RORA: variants seen among roughly 807,000 people sequenced by gnomAD.
RORA encodes the protein nuclear receptor ROR-alpha.
RORA carries 7 observed loss-of-function variants against 69.5 expected under a neutral mutation model. The ratio of observed to expected loss-of-function variants is 0.10; its 90% CI spans 0.06 to 0.19. RORA has a LOEUF of 0.19. Among genes scored for constraint, RORA ranks in the 10% least tolerant of loss-of-function variants. RORA has a pLI of 1.00. For missense variants in RORA, 457 were observed against 663.0 expected (o/e 0.69, Z 3.41); for synonymous variants, 261 against 240.8 (o/e 1.08, Z -0.78).
At chr15:60,671,439 T>G (rs1034271222) in intron 2 of RORA, among the ~76,000 whole-genome samples, 14 of 152,000 alleles carry the variant, frequency 9.2e-5, no homozygotes, top group African/African-American at 3.4e-4. Flanking sequence ...AGTTCTTTGA[T>G]GAACTAAGTT....
chr15:61,001,695 T>C (rs1894751271), intron 1 of RORA, among the ~76,000 whole-genome samples: 1 of 152,172 alleles, frequency 6.6e-6, no homozygotes, highest in Non-Finnish European at 1.5e-5. Context: ...GTTCACTTTC[T>C]AGTGGGAGGA....
At chr15:60,908,378 C>T (rs935549211) in intron 1 of RORA, among the ~76,000 whole-genome samples, 2 of 152,176 alleles carry the variant, frequency 1.3e-5, no homozygotes, top group African/African-American at 4.8e-5. Flanking sequence ...ATATCCAAGG[C>T]TCCTTTCTCT....
At chr15:60,808,399 A>G (rs911126564) in intron 1 of RORA, among the ~76,000 whole-genome samples, 13 of 152,184 alleles carry the variant, frequency 8.5e-5, no homozygotes, top group African/African-American at 3.1e-4. Flanking sequence ...CATAATAAAA[A>G]AAATTTAAAA....
rs2079365012 is a variant in RORA, at chr15:61,147,912, C to G, written c.166+81141G>C. Among the ~76,000 whole-genome samples the G allele has an allele frequency of 6.6e-6, 1 of 152,084 alleles. No individual in the cohort carries two copies. The highest frequency in any genetic ancestry group is 2.1e-4 in the South Asian group (1 of 4,824). On this transcript the variant is annotated intron_variant, in intron 1 of 10. Coordinates refer to ENST00000335670, the MANE Select transcript of RORA (RefSeq NM_134261.3). The surrounding 1 kb of genome is among the most constrained non-coding windows in gnomAD (Gnocchi z 4.1). ...AGGGCAGGAACAAGGATAGTTCATC[C>G]AGAATTACCTTAAGAAATAGGCATT...
chr15:60,734,039 CAG>C (rs2071466948), intron 1 of RORA, among the ~76,000 whole-genome samples: 1 of 150,776 alleles, frequency 6.6e-6, no homozygotes, highest in African/African-American at 2.4e-5. Context: ...AGGAGAGAGA[CAG>C]AGAGTGAGAT....
intron 3 of RORA, among the ~76,000 whole-genome samples, chr15:60,516,850 T>C (rs2065976908): frequency 1.3e-5 from 2 of 152,194 alleles, no homozygotes; most frequent in African/African-American, 2.4e-5. Flanking sequence ...AAGAGTCATA[T>C]TGTATACTCA....
intron 1 of RORA, among the ~76,000 whole-genome samples, chr15:61,097,969 A>C (rs1027473740): frequency 6.6e-6 from 1 of 152,166 alleles, no homozygotes; most frequent in African/African-American, 2.4e-5. Context: ...CTGGAACCCA[A>C]GTTTTCTGCC....
intron 1 of RORA, among the ~76,000 whole-genome samples, chr15:61,001,268 G>A (rs34016605): frequency 0.15 from 22,573 of 152,166 alleles, 1,893 homozygotes; most frequent in African/African-American, 0.23. Context: ...TCCCTGTGAG[G>A]GCGCAAGAGT....
intron 1 of RORA, among the ~76,000 whole-genome samples, chr15:61,191,258 G>A (rs2079796957): frequency 6.6e-6 from 1 of 151,776 alleles, no homozygotes; most frequent in East Asian, 1.9e-4. Flanking sequence ...GAAGCCTCTG[G>A]TACAACTCTT....
chr15:61,033,662 A>C (rs1170942572), intron 1 of RORA, among the ~76,000 whole-genome samples: 5 of 152,150 alleles, frequency 3.3e-5, no homozygotes, highest in African/African-American at 1.2e-4. Flanking sequence ...GTCGCCACCA[A>C]CCCACATGGC....
intron 2 of RORA, among the ~76,000 whole-genome samples, chr15:60,623,518 G>C (rs1446567425): frequency 1.3e-5 from 2 of 152,194 alleles, no homozygotes; most frequent in Non-Finnish European, 2.9e-5. Flanking sequence ...CCCCATGAAA[G>C]CACCATGAGG....
chr15:60,805,745 C>T lies in RORA; in HGVS notation c.167-127059G>A, dbSNP rs1249102645. On this transcript the variant is annotated intron_variant, in intron 1 of 10. Transcript: ENST00000335670. The stretch of plus-strand genomic sequence containing the variant: ...AACTGAGCAAAAAGAGCCTTGGATT[C>T]CAGTCCTGGTTTTGCCACTGGCCAG... Among the ~76,000 whole-genome samples the T allele has an allele frequency of 2.0e-5, 3 of 152,234 alleles. No homozygotes were observed. In the East Asian group the frequency reaches 5.8e-4, roughly 29 times the overall value.
intron 1 of RORA, among the ~76,000 whole-genome samples, chr15:61,132,563 T>G (rs575555736): frequency 6.6e-6 from 1 of 152,256 alleles, no homozygotes; most frequent in South Asian, 2.1e-4. Flanking sequence ...ATAATGAAAA[T>G]GTAGATTTCA....
chr15:61,058,277 T>C lies in RORA; in HGVS notation c.166+170776A>G, dbSNP rs533104510. On this transcript the variant is annotated intron_variant, in intron 1 of 10. Transcript: ENST00000335670. The stretch of plus-strand genomic sequence containing the variant: ...AGGGTGTCGCCAGGCAGAAGAAAGC[T>C]AGAGTTTTGGAGTTCTTCCATGGGG... 2.0e-5 allele frequency among the ~76,000 whole-genome samples: 3 copies of C among 152,256 alleles called. No individual in the cohort carries two copies. In the South Asian group the frequency reaches 6.2e-4, roughly 32 times the overall value.
At chr15:60,749,527 A>G (rs1270116634) in intron 1 of RORA, among the ~76,000 whole-genome samples, 3 of 152,346 alleles carry the variant, frequency 2.0e-5, no homozygotes, top group South Asian at 2.1e-4. Context: ...TTGATGATCA[A>G]TTTAAGTAAC....
rs75159609 is a variant in RORA, at chr15:60,930,579, C to G, written c.167-251893G>C. 3.7e-4 allele frequency among the ~76,000 whole-genome samples: 56 copies of G among 152,342 alleles called. No homozygotes were observed. The East Asian group carries it at 8.5e-3, about 23-fold the overall frequency. On this transcript the variant is annotated intron_variant, in intron 1 of 10. Transcript: ENST00000335670. ...CCTCCCCTAGCAGATGTGAACACTT[C>G]CGGACACCAGCCATTCCCTTCCCAC...
rs10523030 is a variant in RORA, at chr15:61,147,766, C to CGTGTGTGTGT, written c.166+81277_166+81286dup. On this transcript the variant is annotated intron_variant, in intron 1 of 10. Coordinates refer to ENST00000335670, the MANE Select transcript of RORA (RefSeq NM_134261.3). The surrounding 1 kb of genome is among the most constrained non-coding windows in gnomAD (Gnocchi z 4.1). ...TGGTCAGTAGGCACGTGCGCACACG[C>CGTGTGTGTGT]GTGTGTGTGTGTGTGTGTGTGTGTG... Among the ~76,000 whole-genome samples the CGTGTGTGTGT allele has an allele frequency of 0.057, 8,449 of 147,604 alleles. 293 individuals are homozygous for CGTGTGTGTGT. Among genetic ancestry groups the CGTGTGTGTGT allele is most frequent in the Non-Finnish European group, 0.069 (4,604 of 66,852 alleles).
At chr15:60,641,887 A>C (rs967188907) in intron 2 of RORA, among the ~76,000 whole-genome samples, 1 of 152,194 alleles carries the variant, frequency 6.6e-6, no homozygotes, top group Non-Finnish European at 1.5e-5. Flanking sequence ...ATAAGGACTT[A>C]TATTTTGCAT....
intron 1 of RORA, among the ~76,000 whole-genome samples, chr15:60,803,701 T>C (rs550351009): frequency 2.3e-4 from 35 of 152,320 alleles, no homozygotes; most frequent in Non-Finnish European, 4.3e-4. Flanking sequence ...TCTCTGGCAT[T>C]CTGTGACTCT....
Sources: allele counts gnomAD v4.1 joint callset (sites outside exome capture counted in the v4.1 genomes callset), GRCh38; gene constraint gnomAD v4.1.1; non-coding constraint Gnocchi (gnomAD v3.1); transcripts MANE v1.5; gene names NCBI Gene and HGNC (gene_info 2026-07-23, HGNC 2026-07-21).